Variants in ARID2 observed in about 807,000 individuals in gnomAD.
ARID2 encodes AT-rich interaction domain 2.
Under a neutral mutation model 184.6 loss-of-function variants are expected in ARID2, and 32 were observed. The observed-to-expected ratio is 0.17, with a 90% CI of 0.13 to 0.23. The LOEUF (loss-of-function observed/expected upper bound fraction) is 0.23. Ranked by LOEUF, ARID2 falls within the 10% of genes least tolerant of loss-of-function variation. The pLI is 1.00. For synonymous variants in ARID2, 836 were observed against 772.6 expected, an observed-to-expected ratio of 1.08 and a Z score of -1.36; for missense variants, 1,696 against 2,197.6, an observed-to-expected ratio of 0.77 and a Z score of 4.56.
At chr12:45,773,475 A>G (rs1489329297) in intron 3 of ARID2, among the ~76,000 whole-genome samples, 1 of 152,126 alleles carries the variant, frequency 6.6e-6, no homozygotes, top group Non-Finnish European at 1.5e-5. Context: ...GAAAATATCA[A>G]CAATTTTGCC....
At position 45,852,167 on chromosome 12, in the gene ARID2, T is replaced by C. The variant is rs2138176588; in HGVS notation, c.4044T>C (p.Asp1348=). 6.2e-7 allele frequency: 1 copy of C among 1,614,108 alleles called. No homozygotes were observed. Among genetic ancestry groups the C allele is most frequent in the Non-Finnish European group, 8.5e-7 (1 of 1,179,998 alleles). The change falls in exon 15 of 21, where the codon GAT becomes GAC. Residue 1348 remains aspartate, a synonymous_variant. Coordinates refer to ENST00000334344, the MANE Select transcript of ARID2 (RefSeq NM_152641.4). ...KQNSEQIDMQ[D]IKSDLRKPLV... ...ACTCAGAACAAATAGACATGCAAGA[T>C]ATCAAAAGTGATTTGAGAAAACCGC... is the stretch of plus-strand genomic sequence containing the variant.
chr12:45,849,738 A>T lies in ARID2; in HGVS notation c.1874A>T (p.Asp625Val), dbSNP rs757225486. 5 of 1,613,414 alleles carry T rather than the reference A, an allele frequency of 3.1e-6. No individual in the cohort carries two copies. The highest frequency in any genetic ancestry group is 4.2e-6 in the Non-Finnish European group (5 of 1,179,676). ...GTTTCTACTTCTGTTGTTCGTGTTG[A>T]TTCTGTTCCTGATGTATCTCCTGCT... ...QPVSTSVVRV[D>V]SVPDVSPAPS... is the part of the protein sequence containing the mutation. The change falls in exon 14 of 21, where the codon GAT becomes GTT. Residue 625 changes from aspartate (D) to valine (V), a missense_variant. Coordinates refer to ENST00000334344, the MANE Select transcript of ARID2 (RefSeq NM_152641.4).
intron 3 of ARID2, among the ~76,000 whole-genome samples, chr12:45,810,457 A>G (rs969730344): frequency 2.0e-5 from 3 of 152,200 alleles, no homozygotes; most frequent in African/African-American, 7.2e-5. Flanking sequence ...CCTTTCTAAT[A>G]TCAAGAGAAA....
chr12:45,784,961 C>T (rs565300911), intron 3 of ARID2, among the ~76,000 whole-genome samples: 2 of 152,316 alleles, frequency 1.3e-5, no homozygotes, highest in Admixed American at 6.5e-5. Context: ...TAATACCACA[C>T]AGCTCGTTAA....
chr12:45,750,572 G>A (rs1941444633), intron 3 of ARID2, among the ~76,000 whole-genome samples: 1 of 152,142 alleles, frequency 6.6e-6, no homozygotes, highest in African/African-American at 2.4e-5. Context: ...ACAATAAAAT[G>A]AAGTATGCCT....
chr12:45,777,762 G>C (rs1415727770), intron 3 of ARID2, among the ~76,000 whole-genome samples: 3 of 148,830 alleles, frequency 2.0e-5, no homozygotes, highest in Non-Finnish European at 4.5e-5. Context: ...CTAAGTACAG[G>C]GACTGTTGTC....
rs749490519 is a variant in ARID2 at position 45,850,274 on chromosome 12, A to G, written c.2151A>G (p.Thr717=). Residue 717 remains threonine, a synonymous_variant, in exon 15 of 21, where the codon ACA becomes ACG. Coordinates refer to ENST00000334344, the MANE Select transcript of ARID2 (RefSeq NM_152641.4). The stretch of plus-strand genomic sequence containing the variant: ...TTCCTTGTGAAGTTGTTAAGGCTAC[A>G]GTTATCCAGAATTCCATACCCCAGA... ...APIPCEVVKA[T]VIQNSIPQTG... is the part of the protein sequence containing the mutation. The G allele has an allele frequency of 1.2e-6, 2 of 1,614,152 alleles. No homozygotes were observed. Among genetic ancestry groups the G allele is most frequent in the Admixed American group, 1.7e-5 (1 of 60,014 alleles).
chr12:45,835,754 G>A (rs1295913036), intron 6 of ARID2, among the ~76,000 whole-genome samples: 1 of 152,118 alleles, frequency 6.6e-6, no homozygotes, highest in Non-Finnish European at 1.5e-5. Flanking sequence ...ACAAAAATTA[G>A]TTGGGCGTGG....
intron 3 of ARID2, among the ~76,000 whole-genome samples, chr12:45,736,913 T>C (rs1393494633): frequency 6.6e-6 from 1 of 152,234 alleles, no homozygotes; most frequent in Non-Finnish European, 1.5e-5. Context: ...GTTTCACCAG[T>C]GTTTCACCCC....
intron 16 of ARID2, among the ~76,000 whole-genome samples, chr12:45,863,962 C>T (rs565596417): frequency 1.3e-5 from 2 of 151,244 alleles, no homozygotes; most frequent in East Asian, 3.9e-4. Context: ...CTCAAGCCAT[C>T]CTCCCACCTC....
Position 45,843,401 on chromosome 12 carries a change from C to T in ARID2, c.1499-3455C>T, listed in dbSNP as rs147719237. Among the ~76,000 whole-genome samples, 1,071 of 149,804 alleles carry T rather than the reference C, an allele frequency of 7.1e-3. 10 individuals carry two copies. Among genetic ancestry groups the T allele is most frequent in the African/African-American group, 0.025 (1,008 of 40,750 alleles). On this transcript the variant is annotated intron_variant, in intron 11 of 20. Transcript: ENST00000334344. ...TTTTTTTTTTTTTTTCTAAAGACAG[C>T]GTCTCACTCTTGCCCAGGCTGGAGT...
chr12:45,850,736 G>A lies in ARID2; in HGVS notation c.2613G>A (p.Gln871=). 6.2e-7 allele frequency: 1 copy of A among 1,614,048 alleles called. No homozygotes were observed. The highest frequency in any genetic ancestry group is 8.5e-7 in the Non-Finnish European group (1 of 1,179,978). The part of the protein sequence containing the change: ...IVSATSVQNF[Q]VATGQMVTIA... ...CAGCAACTTCAGTACAGAATTTTCAGGTAGCTACAGGACAAATGGTTACTA... is the reference window on the plus strand; with the variant it reads ...CAGCAACTTCAGTACAGAATTTTCAAGTAGCTACAGGACAAATGGTTACTA... The change falls in exon 15 of 21, where the codon CAG becomes CAA. Residue 871 remains glutamine, a synonymous_variant. Coordinates refer to ENST00000334344, the MANE Select transcript of ARID2 (RefSeq NM_152641.4).
intron 6 of ARID2, among the ~76,000 whole-genome samples, chr12:45,830,464 G>A (rs552059005): frequency 1.3e-5 from 2 of 152,240 alleles, no homozygotes; most frequent in African/African-American, 4.8e-5. Flanking sequence ...GGTAGAGACA[G>A]TCAAGCCCTT....
chr12:45,780,581 A>G (rs1346625694), intron 3 of ARID2, among the ~76,000 whole-genome samples: 1 of 152,114 alleles, frequency 6.6e-6, no homozygotes, highest in Non-Finnish European at 1.5e-5. Context: ...ACAGCAGAGT[A>G]CATTTACATT....
At chr12:45,902,386 A>C (rs1158115644) in intron 20 of ARID2, among the ~76,000 whole-genome samples, 1 of 152,218 alleles carries the variant, frequency 6.6e-6, no homozygotes, top group East Asian at 1.9e-4. Context: ...TTCAAATAAA[A>C]GAATACTTTT....
intron 20 of ARID2, among the ~76,000 whole-genome samples, chr12:45,901,387 G>T (rs1187933074): frequency 6.6e-6 from 1 of 151,446 alleles, no homozygotes; most frequent in African/African-American, 2.4e-5. Flanking sequence ...AGCCAGGATG[G>T]TCTCGATCTC....
In ARID2 at chr12:45,852,451, G is replaced by T. The variant is rs1290256577; in HGVS notation, c.4328G>T (p.Ser1443Ile). The T allele has an allele frequency of 6.8e-6, 11 of 1,614,200 alleles. No individual in the cohort carries two copies. Among genetic ancestry groups the T allele is most frequent in the Non-Finnish European group, 8.5e-6 (10 of 1,180,022 alleles). Residue 1443 changes from serine (S) to isoleucine (I), a missense_variant, in exon 15 of 21, where the codon AGT becomes ATT. This residue lies in a region of ARID2 where 428 missense variants were observed against 409.1 expected (regional missense o/e 1.05). Transcript: ENST00000334344. ...EASNAATQQF[S>I]GTDLLNGPLA... Reference sequence around the variant, plus strand: ...TCAAATGCGGCAACACAGCAATTTAGTGGTACTGATTTGCTTAATGGACCT... The same window carrying T: ...TCAAATGCGGCAACACAGCAATTTATTGGTACTGATTTGCTTAATGGACCT...
intron 3 of ARID2, among the ~76,000 whole-genome samples, chr12:45,740,472 A>AGT (rs1207039852): frequency 2.6e-5 from 4 of 152,004 alleles, no homozygotes; most frequent in South Asian, 2.1e-4. Context: ...AAATGTGGCA[A>AGT]GTGTGTGTGT....
chr12:45,818,293 A>G (rs142511372), intron 5 of ARID2, among the ~76,000 whole-genome samples: 7 of 152,260 alleles, frequency 4.6e-5, no homozygotes, highest in African/African-American at 1.4e-4. Context: ...TAAATCATCA[A>G]CGTAAGGCTT....
Sources: gnomAD v4.1 joint callset for allele counts (sites outside exome capture counted in the v4.1 genomes callset) on GRCh38, gnomAD v4.1.1 for gene constraint, gnomAD v4.1.1 regional missense constraint, MANE v1.5 for transcripts, NCBI Gene and HGNC (gene_info 2026-07-23, HGNC 2026-07-21) for gene names.